Variants in RASAL2 observed in about 807,000 individuals in gnomAD.
The protein encoded by RASAL2 is ras GTPase-activating protein nGAP.
Under a neutral mutation model 128.9 loss-of-function variants are expected in RASAL2, and 58 were observed. That is an observed-to-expected ratio of 0.45 (90% CI 0.36 to 0.56). The LOEUF is 0.56. Among genes scored for constraint, RASAL2 ranks in the 20% least tolerant of loss-of-function variants. The pLI, the probability that RASAL2 is intolerant of heterozygous loss-of-function variation, is 0.00. For missense variants in RASAL2, 1,360 were observed against 1,601.6 expected (o/e 0.85, Z 2.57); for synonymous variants, 561 against 580.8 (o/e 0.97, Z 0.49).
intron 14 of RASAL2, among the ~76,000 whole-genome samples, chr1:178,462,200 T>A (rs1436743462): frequency 1.3e-5 from 2 of 152,208 alleles, no homozygotes; most frequent in Non-Finnish European, 2.9e-5. Flanking sequence ...TTTTGCTATT[T>A]ATCCAGCTTA....
intron 1 of RASAL2, chr1:178,125,291 CTTATT>C (rs1659855849): frequency 6.6e-6 from 1 of 152,062 alleles, no homozygotes; most frequent in Admixed American, 6.6e-5. Context: ...ATTTTACTAC[CTTATT>C]TTAAGTTTCT....
At position 178,101,857 on chromosome 1, in the gene RASAL2, G is replaced by A. The variant is rs189839347; in HGVS notation, c.202+7163G>A. On this transcript the variant is annotated intron_variant, in intron 1 of 17. Transcript: ENST00000367649. ...TCAAAGCTGAAGGTCAGGAAAACTC[G>A]ACAGTGAGAAATACCAGATTGTTAG... Among the ~76,000 whole-genome samples, 77 of 152,234 alleles carry A rather than the reference G, an allele frequency of 5.1e-4. 1 individual carries two copies. The East Asian group carries it at 0.014, about 28-fold the overall frequency.
chr1:178,224,280 T>G (rs2102008882), intron 1 of RASAL2, among the ~76,000 whole-genome samples: 1 of 152,072 alleles, frequency 6.6e-6, no homozygotes, highest in African/African-American at 2.4e-5. Context: ...GGAGTTTTTG[T>G]TTTTGTTTAA....
rs533492433 is a variant in RASAL2, at chr1:178,190,964, A to T, written c.203-92600A>T. 5.9e-5 allele frequency among the ~76,000 whole-genome samples: 9 copies of T among 152,308 alleles called. No individual in the cohort carries two copies. The East Asian group carries it at 1.3e-3, about 23-fold the overall frequency. On this transcript the variant is annotated intron_variant, in intron 1 of 17. Transcript: ENST00000367649. ...ATAGTAAGGATTAATGGCTTCAGGT[A>T]TTAGGAGAATTAAATAGAATAGTAT...
At chr1:178,105,590 A>G (rs1265920826) in intron 1 of RASAL2, among the ~76,000 whole-genome samples, 1 of 152,162 alleles carries the variant, frequency 6.6e-6, no homozygotes, top group Non-Finnish European at 1.5e-5. Context: ...AAGACATATG[A>G]AGGATATGAT....
chr1:178,235,656 G>A (rs541245100), intron 1 of RASAL2, among the ~76,000 whole-genome samples: 234 of 152,070 alleles, frequency 1.5e-3, no homozygotes, highest in African/African-American at 5.0e-3. Flanking sequence ...AAGTGAGGGG[G>A]GATTAAGCTC....
intron 1 of RASAL2, among the ~76,000 whole-genome samples, chr1:178,184,777 A>G (rs1284724143): frequency 6.6e-6 from 1 of 151,872 alleles, no homozygotes; most frequent in East Asian, 1.9e-4. Flanking sequence ...GTTCTTTTTC[A>G]GTATTGTGTT....
intron 1 of RASAL2, among the ~76,000 whole-genome samples, chr1:178,232,468 C>T (rs1664050112): frequency 6.6e-6 from 1 of 152,124 alleles, no homozygotes; most frequent in South Asian, 2.1e-4. Flanking sequence ...TTCCTATGTT[C>T]CAGTTGCCAC....
At chr1:178,344,168 G>A (rs1006158608) in intron 3 of RASAL2, among the ~76,000 whole-genome samples, 4 of 151,982 alleles carry the variant, frequency 2.6e-5, no homozygotes, top group South Asian at 2.1e-4. Context: ...TATAAATATT[G>A]TTTATATATT....
chr1:178,115,576 T>C (rs984064360), intron 1 of RASAL2, among the ~76,000 whole-genome samples: 2 of 152,200 alleles, frequency 1.3e-5, no homozygotes, highest in African/African-American at 4.8e-5. Flanking sequence ...ATGGCAGCTT[T>C]GAGGAACTCT....
At chr1:178,391,732 G>A (rs1672918370) in intron 4 of RASAL2, among the ~76,000 whole-genome samples, 1 of 152,106 alleles carries the variant, frequency 6.6e-6, no homozygotes. Context: ...CTGAATTTAG[G>A]ATAGCAGTAC....
chr1:178,235,275 A>G (rs1358842772), intron 1 of RASAL2, among the ~76,000 whole-genome samples: 3 of 152,186 alleles, frequency 2.0e-5, no homozygotes, highest in Non-Finnish European at 4.4e-5. Context: ...AAGAAGCAAT[A>G]CTTTAAATTT....
chr1:178,405,354 T>TC (rs1444485297), intron 4 of RASAL2, among the ~76,000 whole-genome samples: 2 of 152,324 alleles, frequency 1.3e-5, no homozygotes, highest in Non-Finnish European at 2.9e-5. Flanking sequence ...TAGTGGTTCC[T>TC]CCCCCATCTC....
chr1:178,280,199 A>G lies in RASAL2; in HGVS notation c.203-3365A>G, dbSNP rs142045085. On this transcript the variant is annotated intron_variant, in intron 1 of 17. Transcript: ENST00000367649. ...TATTAAACCACTCTTTCCTTTTCCAACTACATATTTGTGAGTCCAGATTTT... is the reference window on the plus strand; with the variant it reads ...TATTAAACCACTCTTTCCTTTTCCAGCTACATATTTGTGAGTCCAGATTTT... Among the ~76,000 whole-genome samples, 511 of 152,258 alleles carry G rather than the reference A, an allele frequency of 3.4e-3. 4 individuals are homozygous for G. The highest frequency in any genetic ancestry group is 0.012 in the African/African-American group (495 of 41,562).
chr1:178,358,237 T>TTAAAAAAAA (rs1176010811), intron 3 of RASAL2, among the ~76,000 whole-genome samples: 1 of 34,770 alleles, frequency 2.9e-5, no homozygotes, highest in African/African-American at 6.6e-5. Flanking sequence ...CTCTGTCTCC[T>TTAAAAAAAA]AAAAAAAAAA....
chr1:178,175,266 G>A (rs1571585602), intron 1 of RASAL2, among the ~76,000 whole-genome samples: 1 of 151,900 alleles, frequency 6.6e-6, no homozygotes, highest in Non-Finnish European at 1.5e-5. Flanking sequence ...CTTTTTTGGG[G>A]GGAAAAGTCG....
At chr1:178,270,391 A>G (rs535583726) in intron 1 of RASAL2, among the ~76,000 whole-genome samples, 1 of 149,400 alleles carries the variant, frequency 6.7e-6, no homozygotes, top group African/African-American at 2.5e-5. Context: ...TTTTTGATCT[A>G]TTTTCTTAAT....
intron 4 of RASAL2, among the ~76,000 whole-genome samples, chr1:178,403,208 T>G (rs1673762501): frequency 6.6e-6 from 1 of 152,180 alleles, no homozygotes; most frequent in African/African-American, 2.4e-5. Flanking sequence ...ATACTAAACT[T>G]TTCTTCCTTA....
At chr1:178,376,874 T>G (rs1235105197) in intron 3 of RASAL2, among the ~76,000 whole-genome samples, 1 of 152,168 alleles carries the variant, frequency 6.6e-6, no homozygotes, top group Non-Finnish European at 1.5e-5. Context: ...TTATTGAAAT[T>G]ATTCTGTCAG....
Sources: gnomAD v4.1 joint callset for allele counts (sites outside exome capture counted in the v4.1 genomes callset) on GRCh38, gnomAD v4.1.1 for gene constraint, MANE v1.5 for transcripts, NCBI Gene and HGNC (gene_info 2026-07-23, HGNC 2026-07-21) for gene names.